The following SPPL3 variants were observed in gnomAD, a reference collection of about 807,000 sequenced individuals.
SPPL3 encodes the protein signal peptide peptidase-like 3.
In SPPL3, 5 loss-of-function variants were observed where a neutral mutation model predicts 42.4. That is an observed-to-expected ratio of 0.12 (90% CI 0.06 to 0.25). The LOEUF (loss-of-function observed/expected upper bound fraction) is 0.25, where lower values mean the gene tolerates loss of function less well. Among genes scored for constraint, SPPL3 ranks in the 10% least tolerant of loss-of-function variants. The pLI is 1.00. For synonymous variants in SPPL3, 195 were observed against 181.8 expected (o/e 1.07, Z -0.58); for missense variants, 235 against 489.0 (o/e 0.48, Z 4.90).
intron 1 of SPPL3, among the ~76,000 whole-genome samples, chr12:120,813,438 C>A (rs1184398605): frequency 6.6e-6 from 1 of 151,746 alleles, no homozygotes; most frequent in African/African-American, 2.4e-5. Flanking sequence ...CTGCTTCAGC[C>A]TCCTGAGAAG....
At chr12:120,770,642 C>A (rs1869083818) in intron 6 of SPPL3, among the ~76,000 whole-genome samples, 2 of 152,294 alleles carry the variant, frequency 1.3e-5, no homozygotes, top group South Asian at 4.2e-4. Context: ...AATGTGCTCT[C>A]CTGTTCCTCC....
chr12:120,802,497 CA>C (rs530373654), intron 2 of SPPL3, among the ~76,000 whole-genome samples: 71 of 148,472 alleles, frequency 4.8e-4, no homozygotes, highest in African/African-American at 1.7e-3. Flanking sequence ...TGCAGTGGCG[CA>C]ATCTCGGCTC....
intron 6 of SPPL3, among the ~76,000 whole-genome samples, chr12:120,778,111 A>AAATTTTT (rs1869394317): frequency 4.4e-5 from 4 of 90,952 alleles, no homozygotes; most frequent in East Asian, 3.4e-4. Context: ...CTGAAAAGCA[A>AAATTTTT]TTTTTTTTTT....
At position 120,903,957 on chromosome 12, in the gene SPPL3, G is replaced by T; in HGVS notation, c.-90C>A. On this transcript the variant is annotated 5_prime_UTR_variant, in exon 1 of 11. Transcript: ENST00000353487. ...GGCCGTAGCTGAAGGCGCGGCCGGG[G>T]TCCGGTGCTTGCTTGCTTGCTCGCT... 8.6e-7 allele frequency: 1 copy of T among 1,168,978 alleles called. No homozygotes were observed. Among genetic ancestry groups the T allele is most frequent in the Non-Finnish European group, 1.1e-6 (1 of 915,146 alleles). The allele number at this position is 1,168,978 out of a possible 1,614,324, so 72.4% of individuals were successfully genotyped here. A position where few individuals can be genotyped will look rare whatever the true frequency, so the allele number is the denominator to read the frequency against.
chr12:120,810,193 G>A (rs1870639995), intron 2 of SPPL3, among the ~76,000 whole-genome samples: 2 of 151,980 alleles, frequency 1.3e-5, no homozygotes, highest in Admixed American at 6.6e-5. Flanking sequence ...TGTTGCCCAG[G>A]CTAGTCTTGA....
At chr12:120,864,359 A>G (rs1293730943) in intron 1 of SPPL3, among the ~76,000 whole-genome samples, 1 of 151,854 alleles carries the variant, frequency 6.6e-6, no homozygotes, top group African/African-American at 2.4e-5. Flanking sequence ...ACATGGTGAA[A>G]CTCCATCTCT....
At chr12:120,851,048 G>A (rs576782078) in intron 1 of SPPL3, among the ~76,000 whole-genome samples, 1 of 152,190 alleles carries the variant, frequency 6.6e-6, no homozygotes, top group Non-Finnish European at 1.5e-5. Flanking sequence ...CATGTTTTAG[G>A]GGTCATTATT....
At chr12:120,773,160 G>C (rs928575403) in intron 6 of SPPL3, among the ~76,000 whole-genome samples, 35 of 152,286 alleles carry the variant, frequency 2.3e-4, no homozygotes, top group African/African-American at 8.2e-4. Context: ...CCCCTGCTCT[G>C]ATCAACTCAC....
chr12:120,802,431 A>ATTT (rs1166451844), intron 2 of SPPL3, among the ~76,000 whole-genome samples: 2,430 of 104,728 alleles, frequency 0.023, 54 homozygotes, highest in African/African-American at 0.047. Context: ...ATATATATAT[A>ATTT]TTTTTTTTTT....
intron 1 of SPPL3, among the ~76,000 whole-genome samples, chr12:120,835,194 G>A (rs1355750220): frequency 6.6e-6 from 1 of 152,182 alleles, no homozygotes; most frequent in African/African-American, 2.4e-5. Flanking sequence ...CATACTAAAT[G>A]TCTGTAAAAT....
intron 1 of SPPL3, among the ~76,000 whole-genome samples, chr12:120,822,273 T>C (rs936320686): frequency 6.6e-6 from 1 of 152,230 alleles, no homozygotes; most frequent in Non-Finnish European, 1.5e-5. Flanking sequence ...GTTATGTATA[T>C]TTTACAATAA....
chr12:120,857,749 T>C (rs1258050881), intron 1 of SPPL3, among the ~76,000 whole-genome samples: 1 of 152,082 alleles, frequency 6.6e-6, no homozygotes, highest in Non-Finnish European at 1.5e-5. Context: ...TTCTCACTCA[T>C]AAGCGGGAAC....
At chr12:120,795,141 C>T (rs1374264278) in intron 2 of SPPL3, among the ~76,000 whole-genome samples, 1 of 152,106 alleles carries the variant, frequency 6.6e-6, no homozygotes, top group East Asian at 1.9e-4. Flanking sequence ...ATTCATCTTG[C>T]TATGTTGCCC....
At chr12:120,823,131 C>T (rs1172827094) in intron 1 of SPPL3, among the ~76,000 whole-genome samples, 1 of 146,676 alleles carries the variant, frequency 6.8e-6, no homozygotes, top group Non-Finnish European at 1.5e-5. Context: ...AGTGAGTGAT[C>T]ATGCGTGCAA....
intron 2 of SPPL3, among the ~76,000 whole-genome samples, chr12:120,794,191 G>T (rs1195561553): frequency 6.6e-6 from 1 of 152,012 alleles, no homozygotes; most frequent in Non-Finnish European, 1.5e-5. Context: ...AAGCTGCTTT[G>T]TCTTATATTA....
intron 1 of SPPL3, among the ~76,000 whole-genome samples, chr12:120,896,857 TAAG>T (rs1389992827): frequency 2.6e-5 from 4 of 152,104 alleles, no homozygotes; most frequent in Non-Finnish European, 1.5e-5. Context: ...TTTTAATTCC[TAAG>T]AAGGAACCAT....
At chr12:120,850,760 G>T (rs1040827368) in intron 1 of SPPL3, among the ~76,000 whole-genome samples, 4 of 152,280 alleles carry the variant, frequency 2.6e-5, no homozygotes, top group South Asian at 4.1e-4. Flanking sequence ...TCCCTGTGAG[G>T]GCTCTGAGGG....
chr12:120,889,934 T>G (rs991171083), intron 1 of SPPL3, among the ~76,000 whole-genome samples: 15 of 152,174 alleles, frequency 9.9e-5, no homozygotes, highest in African/African-American at 3.4e-4. Context: ...CCCATATTCT[T>G]CCACCTTACT....
At chr12:120,883,135 T>G (rs1278746284) in intron 1 of SPPL3, among the ~76,000 whole-genome samples, 1 of 151,610 alleles carries the variant, frequency 6.6e-6, no homozygotes, top group African/African-American at 2.4e-5. Context: ...AAACCCCGTC[T>G]CTACTAAAAA....
Sources: gnomAD v4.1 joint callset for allele counts (sites outside exome capture counted in the v4.1 genomes callset) on GRCh38, gnomAD v4.1.1 for gene constraint, MANE v1.5 for transcripts, NCBI Gene and HGNC (gene_info 2026-07-23, HGNC 2026-07-21) for gene names.